SHE: variants seen among roughly 807,000 people sequenced by gnomAD.
The protein encoded by SHE is Src homology 2 domain containing E.
Under a neutral mutation model 49.8 loss-of-function variants are expected in SHE, and 11 were observed. The observed-to-expected ratio is 0.22, with a 90% confidence interval of 0.14 to 0.37. The LOEUF (loss-of-function observed/expected upper bound fraction) is 0.37, where lower values mean the gene tolerates loss of function less well. SHE is among the 10% of genes least tolerant of loss of function. The pLI, the probability that SHE is intolerant of heterozygous loss-of-function variation, is 1.00. For synonymous variants in SHE, 310 were observed against 278.1 expected, an observed-to-expected ratio of 1.11 and a Z score of -1.14; for missense variants, 624 against 655.5, an observed-to-expected ratio of 0.95 and a Z score of 0.52.
chr1:154,485,731 C>T (rs1692156101), intron 5 of SHE: 2 of 508,672 alleles, frequency 3.9e-6, no homozygotes, highest in Non-Finnish European at 7.1e-6. Context: ...ATAAGACCTT[C>T]ATTATCATAA....
At chr1:154,474,655 C>T (rs1280389883), downstream of SHE, among the ~76,000 whole-genome samples, 1 of 152,150 alleles carries the variant, frequency 6.6e-6, no homozygotes, top group Non-Finnish European at 1.5e-5. Flanking sequence ...CAGGCACACA[C>T]CACCATGCCT....
rs1691985851 is a variant in SHE, at chr1:154,480,276, G to A, written c.*3873C>T. On this transcript the variant is annotated 3_prime_UTR_variant, in exon 6 of 6. Coordinates refer to ENST00000304760, the MANE Select transcript of SHE (RefSeq NM_001010846.3). ...GCTGAGTGTCAAGGGGTGCGGGGAA[G>A]GGAAATGAAATCGACATCACTGCAC... The A allele has an allele frequency of 2.0e-6, 2 of 985,328 alleles. No individual in the cohort carries two copies. The highest frequency in any genetic ancestry group is 1.7e-5 in the African/African-American group (1 of 57,222). The allele number at this position is 985,328 out of a possible 1,614,324, so 61.0% of individuals were successfully genotyped here.
Position 154,480,596 on chromosome 1 carries a change from AC to A in SHE, c.*3552del. The A allele has an allele frequency of 9.1e-6, 9 of 985,438 alleles. No individual in the cohort carries two copies. The highest frequency in any genetic ancestry group is 4.7e-5 in the South Asian group (1 of 21,284). 61.0% of individuals were successfully genotyped at this position (985,438 alleles called of 1,614,324 possible). ...CTGCGGCAGAGGCTAGTACACAAATACCAATTCTGCAAAGTACGGAGACTTC... is the reference window on the plus strand; with the variant it reads ...CTGCGGCAGAGGCTAGTACACAAATACAATTCTGCAAAGTACGGAGACTTC... On this transcript the variant is annotated 3_prime_UTR_variant, in exon 6 of 6. Transcript: ENST00000304760.
At position 154,483,632 on chromosome 1, in the gene SHE, T is replaced by C. The variant is rs1405142331; in HGVS notation, c.*517A>G. ...GCAACAGCTAAATCATGATTTCTTATTGTAGAACTACTTAGCAAGGAAACA... is the reference window on the plus strand; with the variant it reads ...GCAACAGCTAAATCATGATTTCTTACTGTAGAACTACTTAGCAAGGAAACA... On this transcript the variant is annotated 3_prime_UTR_variant, in exon 6 of 6. Transcript: ENST00000304760. 5.1e-6 allele frequency: 5 copies of C among 986,028 alleles called. No individual in the cohort carries two copies. Among genetic ancestry groups the C allele is most frequent in the African/African-American group, 1.7e-5 (1 of 57,234 alleles). The allele number at this position is 986,028 out of a possible 1,614,324, so 61.1% of individuals were successfully genotyped here. A position where few individuals can be genotyped will look rare whatever the true frequency, so the allele number is the denominator to read the frequency against.
chr1:154,474,966 G>C (rs1188723199), downstream of SHE, among the ~76,000 whole-genome samples: 1 of 152,200 alleles, frequency 6.6e-6, no homozygotes, highest in Admixed American at 6.5e-5. Flanking sequence ...AGGAACCAAT[G>C]TCCTCCTCCA....
At chr1:154,476,155 A>C (rs1691870910), downstream of SHE, among the ~76,000 whole-genome samples, 1 of 152,116 alleles carries the variant, frequency 6.6e-6, no homozygotes, top group East Asian at 1.9e-4. Flanking sequence ...AGATCAGCCT[A>C]AGCAATATAG....
Position 154,480,989 on chromosome 1 carries a change from G to C in SHE, c.*3160C>G. On this transcript the variant is annotated 3_prime_UTR_variant, in exon 6 of 6. Coordinates refer to ENST00000304760, the MANE Select transcript of SHE (RefSeq NM_001010846.3). ...ATGCTAAATTCAAGGCAAATTCACT[G>C]AAAGACATTCTTCTCACCAGAGAAT... The C allele has an allele frequency of 1.0e-6, 1 of 985,390 alleles. No individual in the cohort carries two copies. Among genetic ancestry groups the C allele is most frequent in the Non-Finnish European group, 1.2e-6 (1 of 829,928 alleles). The allele number at this position is 985,390 out of a possible 1,614,324, so 61.0% of individuals were successfully genotyped here.
At chr1:154,477,906 A>AG (rs1323663025), downstream of SHE, among the ~76,000 whole-genome samples, 4 of 151,098 alleles carry the variant, frequency 2.6e-5, no homozygotes, top group African/African-American at 9.8e-5. Flanking sequence ...AAAAAAAAAA[A>AG]AAAGAAAGAA....
intron 1 of SHE, among the ~76,000 whole-genome samples, chr1:154,471,393 A>C (rs1251950584): frequency 6.6e-6 from 1 of 152,046 alleles, no homozygotes; most frequent in African/African-American, 2.4e-5. Context: ...AGGAAGAAGT[A>C]CATTTCCCTA....
downstream of SHE, among the ~76,000 whole-genome samples, chr1:154,476,856 A>T (rs1691888802): frequency 6.6e-6 from 1 of 152,204 alleles, no homozygotes; most frequent in Admixed American, 6.6e-5. Flanking sequence ...CTGTTTATTT[A>T]TGCACATAAA....
Position 154,470,129 on chromosome 1 carries a change from C to G in SHE, c.*212G>C, listed in dbSNP as rs184936928. ...GGACAGGTGATGGTGGCCGCCATCT[C>G]CTTCAGGACACCATGCTCTCCTCTT... On this transcript the variant is annotated 3_prime_UTR_variant, in exon 2 of 2. Transcript: ENST00000486773. 1,293 of 371,136 alleles carry G rather than the reference C, an allele frequency of 3.5e-3. 40 individuals are homozygous for G. In the Admixed American group the frequency reaches 0.045, roughly 13 times the overall value. The allele number at this position is 371,136 out of a possible 1,614,324, so 23.0% of individuals were successfully genotyped here.
intron 1 of SHE, among the ~76,000 whole-genome samples, chr1:154,474,438 G>T (rs531646945): frequency 7.9e-5 from 12 of 152,288 alleles, no homozygotes; most frequent in Non-Finnish European, 1.3e-4. Flanking sequence ...GAATGGTTTG[G>T]TTTTTTCCTG....
At position 154,489,043 on chromosome 1, in the gene SHE, G is replaced by A. The variant is rs752962438; in HGVS notation, c.1024+8C>T. ...CACACTGGGGCGGGCCTGGCCTGGC[G>A]CCCTCACCTGACAGAGCCCGCACGA... is the stretch of plus-strand genomic sequence containing the variant. On this transcript the variant is annotated splice_region_variant and intron_variant, in intron 3 of 5. Transcript: ENST00000304760. 5.2e-5 allele frequency: 80 copies of A among 1,549,242 alleles called. No individual in the cohort carries two copies. The highest frequency in any genetic ancestry group is 1.9e-4 in the Admixed American group (10 of 51,432).
At chr1:154,473,238 G>A (rs907507839) in intron 1 of SHE, among the ~76,000 whole-genome samples, 4 of 151,986 alleles carry the variant, frequency 2.6e-5, no homozygotes, top group Non-Finnish European at 5.9e-5. Flanking sequence ...AACCTTAGGT[G>A]ATCCGCCTGT....
chr1:154,486,031 C>A lies in SHE; in HGVS notation c.1213G>T (p.Ala405Ser), dbSNP rs768087831. 1.9e-6 allele frequency: 3 copies of A among 1,614,050 alleles called. No homozygotes were observed. The highest frequency in any genetic ancestry group is 1.1e-5 in the South Asian group (1 of 91,082). ...WYHGAISRAEAESRLQPCKEA... is the reference protein window; with the variant it reads ...WYHGAISRAESESRLQPCKEA... ...TTGCAGGGCTGTAGTCGACTCTCAG[C>A]CTCAGCACGGCTGATGGCACCATGA... Residue 405 changes from alanine (A) to serine (S), a missense_variant, in exon 5 of 6, where the codon GCT (alanine) becomes TCT (serine). Ala to Ser is a moderately conservative substitution (Grantham distance 99). Around this residue, in one of 4 missense-constraint regions of SHE, gnomAD observed 125 missense variants for 181.7 expected, o/e 0.69. Transcript: ENST00000304760.
At chr1:154,495,652 T>C (rs1692505790) in intron 2 of SHE, among the ~76,000 whole-genome samples, 1 of 152,052 alleles carries the variant, frequency 6.6e-6, no homozygotes, top group Non-Finnish European at 1.5e-5. Context: ...GTTTCCCCCT[T>C]AGGCTGTGAG....
Position 154,486,641 on chromosome 1 carries a change from G to A in SHE, c.1067C>T (p.Thr356Ile). 6.2e-7 allele frequency: 1 copy of A among 1,614,104 alleles called. No homozygotes were observed. Among genetic ancestry groups the A allele is most frequent in the African/African-American group, 1.3e-5 (1 of 75,014 alleles). The change falls in exon 4 of 6, where the codon ACA (threonine) becomes ATA (isoleucine). Residue 356 changes from threonine (T) to isoleucine (I), a missense_variant. By Grantham distance (89) the Thr-to-Ile change is moderately conservative. Around this residue, in one of 4 missense-constraint regions of SHE, gnomAD observed 125 missense variants for 181.7 expected, o/e 0.69. Transcript: ENST00000304760. ...CTTCTGCCGGTGGTGCTGCCTCACT[G>A]TCTCCTCCCTGAAGGAAGGTCGCTC... ...GAERPSFREE[T>I]VRQHHRQKSW...
intron 3 of SHE, among the ~76,000 whole-genome samples, chr1:154,487,149 G>A (rs535970113): frequency 6.6e-6 from 1 of 152,082 alleles, no homozygotes; most frequent in South Asian, 2.1e-4. Context: ...GCTCGTGCTT[G>A]GAGTCCCAGC....
rs1371194007 is a variant in SHE, at chr1:154,483,558, C to A, written c.*591G>T. ...GATGCTCCTGAACTCCTGACTTAAC[C>A]TTCCTGAGGGTCACACCATAAAAAG... On this transcript the variant is annotated 3_prime_UTR_variant, in exon 6 of 6. Coordinates refer to ENST00000304760, the MANE Select transcript of SHE (RefSeq NM_001010846.3). 3 of 985,368 alleles carry A rather than the reference C, an allele frequency of 3.0e-6. No homozygotes were observed. Among genetic ancestry groups the A allele is most frequent in the East Asian group, 1.1e-4 (1 of 8,830 alleles). The allele number at this position is 985,368 out of a possible 1,614,324, so 61.0% of individuals were successfully genotyped here.
Sources: gnomAD v4.1 joint callset for allele counts (sites outside exome capture counted in the v4.1 genomes callset) on GRCh38, gnomAD v4.1.1 for gene constraint, gnomAD v4.1.1 regional missense constraint, MANE v1.5 for transcripts, NCBI Gene and HGNC (gene_info 2026-07-23, HGNC 2026-07-21) for gene names.